The following ELP4 variants were observed in gnomAD, a reference collection of about 807,000 sequenced individuals.
The protein encoded by ELP4 is elongator complex protein 4.
ELP4 carries 51 observed loss-of-function variants against 48.9 expected under a neutral mutation model. The observed-to-expected ratio is 1.04, with a 90% CI of 0.83 to 1.32. ELP4 has a LOEUF of 1.32. ELP4 is among the 40% of genes most tolerant of loss of function. The pLI is 0.00. For synonymous variants in ELP4, 210 were observed against 189.2 expected, an observed-to-expected ratio of 1.11 and a Z score of -0.90; for missense variants, 519 against 514.6, an observed-to-expected ratio of 1.01 and a Z score of -0.08.
At chr11:31,755,374 T>C (rs1312057113) in intron 9 of ELP4, among the ~76,000 whole-genome samples, 1 of 152,140 alleles carries the variant, frequency 6.6e-6, no homozygotes, top group African/African-American at 2.4e-5. Flanking sequence ...AGCAAGGTAC[T>C]TACAAAGTAT....
At chr11:31,545,191 A>G (rs1438822664) in intron 3 of ELP4, among the ~76,000 whole-genome samples, 1 of 152,202 alleles carries the variant, frequency 6.6e-6, no homozygotes, top group African/African-American at 2.4e-5. Flanking sequence ...ACTACGAGCT[A>G]CAGGAGGAAA....
chr11:31,691,478 A>C (rs954363045), intron 9 of ELP4, among the ~76,000 whole-genome samples: 8 of 151,720 alleles, frequency 5.3e-5, no homozygotes, highest in African/African-American at 1.5e-4. Context: ...TTTGTGGATG[A>C]GTTTTAAAGT....
chr11:31,727,124 G>A (rs1947091837), intron 9 of ELP4, among the ~76,000 whole-genome samples: 1 of 150,884 alleles, frequency 6.6e-6, no homozygotes, highest in African/African-American at 2.4e-5. Flanking sequence ...CTCAGCTTTG[G>A]GCTCAAAAGA....
Position 31,603,888 on chromosome 11 carries a change from A to G in ELP4, c.634A>G (p.Thr212Ala), listed in dbSNP as rs775037959. The G allele has an allele frequency of 1.9e-6, 3 of 1,611,586 alleles. No homozygotes were observed. The highest frequency in any genetic ancestry group is 1.3e-5 in the African/African-American group (1 of 74,966). ...GFFLPEKISS[T>A]LKVEPCSLTP... is the part of the protein sequence containing the mutation. Reference sequence around the variant, plus strand: ...TTTTCTTCCAGAGAAAATATCTTCAACTCTCAAAGTAGAACCCTGGTAAGT... The same window carrying G: ...TTTTCTTCCAGAGAAAATATCTTCAGCTCTCAAAGTAGAACCCTGGTAAGT... The change falls in exon 5 of 10, where the codon ACT (threonine) becomes GCT (alanine). Residue 212 changes from threonine (T) to alanine (A), a missense_variant. By Grantham distance (58) the Thr-to-Ala change is moderately conservative. Transcript: ENST00000640961.
At chr11:31,561,721 G>T (rs1379637214) in intron 3 of ELP4, among the ~76,000 whole-genome samples, 3 of 152,124 alleles carry the variant, frequency 2.0e-5, no homozygotes, top group Non-Finnish European at 4.4e-5. Flanking sequence ...AAGGATTGCT[G>T]GTGTGAGCCA....
chr11:31,561,240 C>T (rs1328239854), intron 3 of ELP4, among the ~76,000 whole-genome samples: 2 of 152,048 alleles, frequency 1.3e-5, no homozygotes, highest in Admixed American at 1.3e-4. Flanking sequence ...ACTGAGTATA[C>T]AATATACCCA....
intron 1 of ELP4, chr11:31,510,851 A>T: frequency 6.5e-6 from 1 of 153,386 alleles, no homozygotes; most frequent in East Asian, 1.9e-4. Context: ...TTGCTGTGTT[A>T]ATAAAGCTTC....
At chr11:31,544,613 T>G (rs979077931) in intron 3 of ELP4, among the ~76,000 whole-genome samples, 3 of 152,204 alleles carry the variant, frequency 2.0e-5, no homozygotes, top group South Asian at 2.1e-4. Flanking sequence ...CTCTGCAGAC[T>G]TAAATGTCCC....
intron 9 of ELP4, among the ~76,000 whole-genome samples, chr11:31,733,304 C>T (rs1049714410): frequency 6.6e-6 from 1 of 151,688 alleles, no homozygotes; most frequent in Non-Finnish European, 1.5e-5. Context: ...GGTGAAACCC[C>T]ATCTCTACTA....
chr11:31,647,575 A>G (rs1945229047), intron 7 of ELP4, 166 bp from the exon 8 acceptor site: 1 of 506,884 alleles, frequency 2.0e-6, no homozygotes, highest in African/African-American at 2.0e-5. Context: ...TTAAGGGCAT[A>G]TTTCCATCCA....
At chr11:31,753,268 G>A (rs75943902) in intron 9 of ELP4, among the ~76,000 whole-genome samples, 164 of 152,328 alleles carry the variant, frequency 1.1e-3, no homozygotes, top group African/African-American at 3.7e-3. Flanking sequence ...CAAGACTTAT[G>A]TGATTTTGCC....
intron 2 of ELP4, among the ~76,000 whole-genome samples, chr11:31,538,563 C>T (rs1167850160): frequency 2.0e-5 from 3 of 150,978 alleles, no homozygotes; most frequent in Non-Finnish European, 4.4e-5. Context: ...AGAAGAAAAG[C>T]ATTGCATCTT....
At chr11:31,648,373 C>T (rs1241842381) in intron 8 of ELP4, 1 of 150,256 alleles carries the variant, frequency 6.7e-6, no homozygotes, top group African/African-American at 2.4e-5. Context: ...AATATTGCCA[C>T]CTTGATATAA....
chr11:31,527,396 C>G (rs779941850), intron 2 of ELP4, among the ~76,000 whole-genome samples: 27 of 152,014 alleles, frequency 1.8e-4, no homozygotes, highest in Non-Finnish European at 3.1e-4. Context: ...ACCCCCTATT[C>G]AACATTTCCT....
At chr11:31,510,962 A>G (rs1285853976) in intron 1 of ELP4, 1 of 152,224 alleles carries the variant, frequency 6.6e-6, no homozygotes, top group Non-Finnish European at 1.5e-5. Flanking sequence ...GTACACTTTC[A>G]TAAAATATAA....
chr11:31,599,101 C>CT (rs1045102425), intron 4 of ELP4: 3 of 152,086 alleles, frequency 2.0e-5, no homozygotes, highest in Admixed American at 2.0e-4. Flanking sequence ...GAGAAAGGGA[C>CT]TTTGACTGTT....
intron 9 of ELP4, among the ~76,000 whole-genome samples, chr11:31,718,772 C>A (rs868275683): frequency 1.3e-5 from 2 of 152,172 alleles, no homozygotes; most frequent in African/African-American, 4.8e-5. Flanking sequence ...TCATAGTAAA[C>A]AAGATGCATT....
chr11:31,591,970 TTACTC>T (rs1379006746), intron 3 of ELP4, among the ~76,000 whole-genome samples: 1 of 152,128 alleles, frequency 6.6e-6, no homozygotes, highest in Non-Finnish European at 1.5e-5. Context: ...ATTGAAAACA[TTACTC>T]TAAATGAAGG....
chr11:31,723,894 T>C (rs1947020576), intron 9 of ELP4, among the ~76,000 whole-genome samples: 1 of 152,206 alleles, frequency 6.6e-6, no homozygotes, highest in Non-Finnish European at 1.5e-5. Flanking sequence ...GCAGGTACCT[T>C]GAGTGAATAG....
Sources: allele counts gnomAD v4.1 joint callset (sites outside exome capture counted in the v4.1 genomes callset), GRCh38; gene constraint gnomAD v4.1.1; transcripts MANE v1.5; gene names NCBI Gene and HGNC (gene_info 2026-07-23, HGNC 2026-07-21).